The following GRB10 variants were observed in gnomAD, a reference collection of about 807,000 sequenced individuals.
The protein encoded by GRB10 is growth factor receptor-bound protein 10.
A neutral mutation model predicts 80.9 loss-of-function variants in GRB10; 20 were observed. That is an observed-to-expected ratio of 0.25 (90% CI 0.17 to 0.36). The LOEUF is 0.36. Ranked by LOEUF, GRB10 falls within the 10% of genes least tolerant of loss-of-function variation. The pLI, the probability that GRB10 is intolerant of heterozygous loss-of-function variation, is 1.00. For missense variants in GRB10, 548 were observed against 747.7 expected (o/e 0.73, Z 3.12); for synonymous variants, 291 against 291.5 (o/e 1.00, Z 0.02).
intron 4 of GRB10, among the ~76,000 whole-genome samples, chr7:50,720,535 G>A (rs999291085): frequency 2.0e-5 from 3 of 152,114 alleles, no homozygotes; most frequent in Admixed American, 6.5e-5. Context: ...GGCACATCCC[G>A]GACGGGGAGC....
At chr7:50,783,436 T>TCA (rs10647493), upstream of GRB10, among the ~76,000 whole-genome samples, 8 of 150,106 alleles carry the variant, frequency 5.3e-5, no homozygotes, top group South Asian at 2.1e-4. Context: ...CACACACACC[T>TCA]CACACACACA....
intron 4 of GRB10, among the ~76,000 whole-genome samples, chr7:50,713,782 T>A (rs1437057940): frequency 6.9e-6 from 1 of 143,968 alleles, no homozygotes; most frequent in Non-Finnish European, 1.5e-5. Context: ...CTCCACCTCC[T>A]CCATCTCCTC....
chr7:50,660,666 G>A (rs1303743572), intron 7 of GRB10, among the ~76,000 whole-genome samples: 1 of 152,178 alleles, frequency 6.6e-6, no homozygotes, highest in African/African-American at 2.4e-5. Flanking sequence ...TGGGAGACAG[G>A]AGCCACGCAG....
intron 17 of GRB10, among the ~76,000 whole-genome samples, chr7:50,596,520 G>A (rs1034184188): frequency 2.6e-5 from 4 of 152,236 alleles, no homozygotes; most frequent in African/African-American, 9.6e-5. Context: ...GAAGATTTAG[G>A]ATGAAGATGT....
chr7:50,701,601 A>G (rs1240315757), intron 5 of GRB10, among the ~76,000 whole-genome samples: 2 of 150,648 alleles, frequency 1.3e-5, no homozygotes, highest in Non-Finnish European at 3.0e-5. Context: ...ATAAAAATAA[A>G]ATAATAATCA....
intron 4 of GRB10, among the ~76,000 whole-genome samples, chr7:50,713,405 G>T (rs946748050): frequency 7.5e-6 from 1 of 133,188 alleles, no homozygotes; most frequent in Admixed American, 7.3e-5. Context: ...CTCCTCCACC[G>T]CCACCTCCAT....
At chr7:50,593,253 C>T (rs1274410502) in intron 18 of GRB10, among the ~76,000 whole-genome samples, 155 bp from the exon 19 acceptor site, 2 of 152,060 alleles carry the variant, frequency 1.3e-5, no homozygotes, top group African/African-American at 2.4e-5. Context: ...GCGGGAAAGA[C>T]GGGAGCAGAG....
At chr7:50,633,654 AC>A (rs1438183668) in intron 7 of GRB10, among the ~76,000 whole-genome samples, 23 of 151,926 alleles carry the variant, frequency 1.5e-4, no homozygotes, top group Non-Finnish European at 2.5e-4. Flanking sequence ...ACACAAAAAA[AC>A]CAGAAGAGTA....
intron 13 of GRB10, 40 bp downstream of exon 13, chr7:50,612,701 A>G: frequency 2.9e-6 from 4 of 1,388,016 alleles, no homozygotes; most frequent in Non-Finnish European, 4.1e-6. Flanking sequence ...TTTTCCACGA[A>G]GAGATGTGCA....
intron 7 of GRB10, among the ~76,000 whole-genome samples, chr7:50,647,038 T>G (rs1020881419): frequency 3.9e-5 from 6 of 152,162 alleles, no homozygotes; most frequent in African/African-American, 1.4e-4. Flanking sequence ...GTGTGGAGCA[T>G]AAGATGAAAT....
At chr7:50,671,362 C>T (rs1232353303) in intron 6 of GRB10, among the ~76,000 whole-genome samples, 6 of 152,174 alleles carry the variant, frequency 3.9e-5, no homozygotes, top group Non-Finnish European at 7.3e-5. Context: ...AGGAGATTTG[C>T]CACTACAGAA....
At chr7:50,730,891 TC>T (rs1385437710) in intron 4 of GRB10, among the ~76,000 whole-genome samples, 1 of 152,140 alleles carries the variant, frequency 6.6e-6, no homozygotes, top group Non-Finnish European at 1.5e-5. Context: ...AGAGAGACTT[TC>T]CCTTGGGGAT....
intron 3 of GRB10, among the ~76,000 whole-genome samples, chr7:50,735,340 CTA>C (rs2070612786): frequency 1.3e-5 from 2 of 152,090 alleles, no homozygotes; most frequent in African/African-American, 4.8e-5. Context: ...GTTGGAGGAA[CTA>C]ATATTGTTAA....
chr7:50,593,365 C>G (rs1038038117), intron 18 of GRB10, among the ~76,000 whole-genome samples: 1 of 152,080 alleles, frequency 6.6e-6, no homozygotes, highest in African/African-American at 2.4e-5. Flanking sequence ...CTAAGGTGGT[C>G]AAGGGGAAGG....
intron 1 of GRB10, chr7:50,792,541 C>CA (rs950101150): frequency 1.3e-5 from 5 of 398,456 alleles, no homozygotes; most frequent in African/African-American, 1.0e-4. Context: ...TTTCCTTCTG[C>CA]AAACGGTACC....
chr7:50,761,337 C>T (rs1222202900), intron 2 of GRB10, among the ~76,000 whole-genome samples: 1 of 152,204 alleles, frequency 6.6e-6, no homozygotes, highest in Non-Finnish European at 1.5e-5. Flanking sequence ...CTTGCTGGAA[C>T]AGATTTTATC....
At chr7:50,676,426 T>G (rs2060961026) in intron 5 of GRB10, among the ~76,000 whole-genome samples, 1 of 151,454 alleles carries the variant, frequency 6.6e-6, no homozygotes, top group East Asian at 1.9e-4. Context: ...TGTTATTTAT[T>G]AGCCCTATTT....
In GRB10 at chr7:50,732,351, T is replaced by A; in HGVS notation, c.-29A>T. On this transcript the variant is annotated 5_prime_UTR_variant, in exon 4 of 19. An upstream start codon of the reference 5' UTR is lost. Coordinates refer to ENST00000401949, the MANE Select transcript of GRB10 (RefSeq NM_001350814.2). The stretch of plus-strand genomic sequence containing the variant: ...TTCCTTCTGCCTTCTTCAAATTACA[T>A]TTACTGCGCTGCAGCACCTGGAATA... The A allele has an allele frequency of 1.2e-6, 2 of 1,604,094 alleles. No homozygotes were observed. The highest frequency in any genetic ancestry group is 1.7e-6 in the Non-Finnish European group (2 of 1,171,152).
chr7:50,728,907 G>A (rs539747692), intron 4 of GRB10, among the ~76,000 whole-genome samples: 1 of 152,198 alleles, frequency 6.6e-6, no homozygotes. Context: ...CTGGCCTCAA[G>A]TGGTCCACCC....
Sources: allele counts gnomAD v4.1 joint callset (sites outside exome capture counted in the v4.1 genomes callset), GRCh38; gene constraint gnomAD v4.1.1; transcripts MANE v1.5; gene names NCBI Gene and HGNC (gene_info 2026-07-23, HGNC 2026-07-21).